The following PCDHGB7 variants were observed in gnomAD, a reference collection of about 807,000 sequenced individuals.
The protein encoded by PCDHGB7 is protocadherin gamma-B7.
Under a neutral mutation model 61.4 loss-of-function variants are expected in PCDHGB7, and 37 were observed. The observed-to-expected ratio is 0.60, with a 90% CI of 0.46 to 0.79. PCDHGB7 has a LOEUF of 0.79. Among genes scored for constraint, PCDHGB7 ranks in the 30% least tolerant of loss-of-function variants. PCDHGB7 has a pLI of 0.00. For synonymous variants in PCDHGB7, 464 were observed against 503.5 expected, an observed-to-expected ratio of 0.92 and a Z score of 1.05; for missense variants, 1,166 against 1,202.5, an observed-to-expected ratio of 0.97 and a Z score of 0.45.
chr5:141,428,618 T>G (rs554092834), intron 1 of PCDHGB7: 12 of 206,130 alleles, frequency 5.8e-5, no homozygotes, highest in Admixed American at 2.6e-4. Context: ...AATAACAAGA[T>G]AAGCTCTAAC....
chr5:141,505,494 A>G lies in PCDHGB7; in HGVS notation c.2563+13A>G. ...GCGTCCGCCAGTGGTAAGTGGTGTC[A>G]GTGTGTGTATGGAAGAGTGGGAGAC... is the stretch of plus-strand genomic sequence containing the variant. On this transcript the variant is annotated intron_variant, in intron 3 of 3. Transcript: ENST00000398594. The G allele has an allele frequency of 6.8e-6, 11 of 1,614,198 alleles. No homozygotes were observed. Among genetic ancestry groups the G allele is most frequent in the Non-Finnish European group, 9.3e-6 (11 of 1,180,006 alleles).
In PCDHGB7 at chr5:141,490,462, ACCAG is replaced by A; in HGVS notation, c.2416-4338_2416-4335del. On this transcript the variant is annotated intron_variant, in intron 1 of 3. Coordinates refer to ENST00000398594, the MANE Select transcript of PCDHGB7 (RefSeq NM_018927.4). The surrounding 1 kb of genome is among the most constrained non-coding windows in gnomAD (Gnocchi z 5.4). ...TTCTGAGAACCACTACTCGCTGCTA[ACCAG>A]CCAGCCTTTGGACCGGGAGGCCACA... 1 of 1,614,198 alleles carries A rather than the reference ACCAG, an allele frequency of 6.2e-7. No homozygotes were observed.
chr5:141,465,056 G>A (rs908104635), intron 1 of PCDHGB7, among the ~76,000 whole-genome samples: 9 of 151,044 alleles, frequency 6.0e-5, no homozygotes, highest in Non-Finnish European at 1.3e-4. Context: ...ATATTTTTTT[G>A]AATTGTCTGT....
At chr5:141,434,193 T>G (rs2097677103) in intron 1 of PCDHGB7, among the ~76,000 whole-genome samples, 1 of 152,246 alleles carries the variant, frequency 6.6e-6, no homozygotes, top group South Asian at 2.1e-4. Flanking sequence ...GTAATTCCAA[T>G]GTACTTACTT....
intron 1 of PCDHGB7, among the ~76,000 whole-genome samples, chr5:141,454,881 C>G (rs2098805859): frequency 7.4e-6 from 1 of 135,536 alleles, no homozygotes; most frequent in African/African-American, 2.8e-5. Flanking sequence ...GATCTTGGCT[C>G]ACTGCTAGCA....
In PCDHGB7 at chr5:141,431,129, A is replaced by G. The variant is rs771219303; in HGVS notation, c.2415+10855A>G. The G allele has an allele frequency of 7.4e-6, 12 of 1,614,152 alleles. No homozygotes were observed. The Admixed American group carries it at 1.7e-4, about 22-fold the overall frequency. Reference sequence around the variant, plus strand: ...AATATATGGAGTAGAAGTAGAAGTAAGGGACATTAACGACAATGCGCCTTA... The same window carrying G: ...AATATATGGAGTAGAAGTAGAAGTAGGGGACATTAACGACAATGCGCCTTA... On this transcript the variant is annotated intron_variant, in intron 1 of 3. Coordinates refer to ENST00000398594, the MANE Select transcript of PCDHGB7 (RefSeq NM_018927.4). The surrounding 1 kb of genome is among the most constrained non-coding windows in gnomAD (Gnocchi z 4.8).
At position 141,424,020 on chromosome 5, in the gene PCDHGB7, C is replaced by A. The variant is rs1326303938; in HGVS notation, c.2415+3746C>A. ...TATATAGATACAAATTAATGATTCA[C>A]AAACACTTTTTATTTCCATTTCAAT... On this transcript the variant is annotated intron_variant, in intron 1 of 3. Coordinates refer to ENST00000398594, the MANE Select transcript of PCDHGB7 (RefSeq NM_018927.4). 3 of 1,050,122 alleles carry A rather than the reference C, an allele frequency of 2.9e-6. No individual in the cohort carries two copies. In the East Asian group the frequency reaches 2.2e-4, roughly 77 times the overall value. The allele number at this position is 1,050,122 out of a possible 1,614,324, so 65.1% of individuals were successfully genotyped here. A position where few individuals can be genotyped will look rare whatever the true frequency, so the allele number is the denominator to read the frequency against.
At chr5:141,509,071 G>T (rs1209992467) in intron 3 of PCDHGB7, among the ~76,000 whole-genome samples, 1 of 152,176 alleles carries the variant, frequency 6.6e-6, no homozygotes, top group Admixed American at 6.5e-5. Flanking sequence ...CAGCTCCGGG[G>T]ATTTGCGACA....
At position 141,419,142 on chromosome 5, in the gene PCDHGB7, G is replaced by A. The variant is rs1351034238; in HGVS notation, c.1283G>A (p.Gly428Asp). ...YNVTIAATDR[G>D]KPPLSSSKTI... ...GTCACCATCGCAGCCACAGACAGGGGCAAGCCTCCGTTATCCTCCAGCAAA... is the reference window on the plus strand; with the variant it reads ...GTCACCATCGCAGCCACAGACAGGGACAAGCCTCCGTTATCCTCCAGCAAA... The change falls in exon 1 of 4, where the codon GGC becomes GAC. Residue 428 changes from glycine to aspartate, a missense_variant. Coordinates refer to ENST00000398594, the MANE Select transcript of PCDHGB7 (RefSeq NM_018927.4). The A allele has an allele frequency of 6.2e-7, 1 of 1,613,902 alleles. No individual in the cohort carries two copies. The highest frequency in any genetic ancestry group is 8.5e-7 in the Non-Finnish European group (1 of 1,179,894).
chr5:141,497,573 T>C (rs1231425210), intron 2 of PCDHGB7, among the ~76,000 whole-genome samples: 1 of 149,502 alleles, frequency 6.7e-6, no homozygotes, highest in South Asian at 2.1e-4. Context: ...AGAGTCTTGC[T>C]CTGTTGCCCA....
intron 1 of PCDHGB7, chr5:141,439,845 T>C (rs983341549): frequency 6.6e-6 from 1 of 152,252 alleles, no homozygotes; most frequent in Non-Finnish European, 1.5e-5. Flanking sequence ...ACTCTAACTG[T>C]GGAAAAGGTG....
At position 141,422,169 on chromosome 5, in the gene PCDHGB7, A is replaced by G. The variant is rs1386896405; in HGVS notation, c.2415+1895A>G. 2.6e-6 allele frequency: 4 copies of G among 1,563,898 alleles called. No homozygotes were observed. In the South Asian group the frequency reaches 4.9e-5, roughly 19 times the overall value. On this transcript the variant is annotated intron_variant, in intron 1 of 3. Coordinates refer to ENST00000398594, the MANE Select transcript of PCDHGB7 (RefSeq NM_018927.4). ...GGTCTCTGGATTTTGAAAAATATAG[A>G]TTCTATGAGATGGAAATTCAAGGCC...
intron 1 of PCDHGB7, chr5:141,422,893 C>A (rs1405800318): frequency 4.3e-6 from 7 of 1,614,246 alleles, no homozygotes; most frequent in Non-Finnish European, 5.9e-6. Context: ...CGTGCTGGAC[C>A]AGAACGACAA....
In PCDHGB7 at chr5:141,504,261, A is replaced by AT. The variant is rs144925096; in HGVS notation, c.2475-1125dup. Among the ~76,000 whole-genome samples the AT allele has an allele frequency of 3.8e-3, 573 of 152,258 alleles. 3 individuals are homozygous for AT. The highest frequency in any genetic ancestry group is 0.012 in the African/African-American group (514 of 41,556). ...CAGAGAGTTCTTCTTATGGTTTAGT[A>AT]TTTTTTTAAATTATGAATCATTTCA... On this transcript the variant is annotated intron_variant, in intron 2 of 3. Transcript: ENST00000398594.
Position 141,511,267 on chromosome 5 carries a change from C to T in PCDHGB7, c.*94C>T, listed in dbSNP as rs1223074819. 1.3e-6 allele frequency: 2 copies of T among 1,549,404 alleles called. No homozygotes were observed. Among genetic ancestry groups the T allele is most frequent in the Non-Finnish European group, 1.7e-6 (2 of 1,146,836 alleles). On this transcript the variant is annotated 3_prime_UTR_variant, in exon 4 of 4. Transcript: ENST00000398594. ...CCAGGCCTCAGAGTTTCAGGGCTAA[C>T]CCCCAGAATACTGGTAGGGGCCAAG...
At chr5:141,428,070 T>G (rs756684090) in intron 1 of PCDHGB7, 7 of 1,609,106 alleles carry the variant, frequency 4.4e-6, no homozygotes, top group Non-Finnish European at 5.1e-6. Context: ...GGACGCAGAT[T>G]CGGGACACAA....
chr5:141,492,948 CA>C (rs2099745260), intron 1 of PCDHGB7, among the ~76,000 whole-genome samples: 1 of 152,188 alleles, frequency 6.6e-6, no homozygotes, highest in Non-Finnish European at 1.5e-5. Flanking sequence ...TGGAGGTGAC[CA>C]AACTATCTGA....
At chr5:141,460,502 G>A (rs1300155108) in intron 1 of PCDHGB7, among the ~76,000 whole-genome samples, 1 of 152,094 alleles carries the variant, frequency 6.6e-6, no homozygotes, top group Non-Finnish European at 1.5e-5. Flanking sequence ...AAAATATGCT[G>A]AGAAGGCTAT....
rs2099411033 is a variant in PCDHGB7, at chr5:141,477,423, C to T, written c.2416-17384C>T. ...ACCGCCCGAGACGCCGGAACCCCTT[C>T]CCTCTCAGCCCTTACAATAGTGCGT... On this transcript the variant is annotated intron_variant, in intron 1 of 3. Coordinates refer to ENST00000398594, the MANE Select transcript of PCDHGB7 (RefSeq NM_018927.4). This position sits in a 1 kb window ranked among gnomAD's most constrained non-coding sequence, Gnocchi z 4.9. 1.9e-6 allele frequency: 3 copies of T among 1,614,196 alleles called. No individual in the cohort carries two copies. The highest frequency in any genetic ancestry group is 2.2e-5 in the East Asian group (1 of 44,882).
Sources: allele counts gnomAD v4.1 joint callset (sites outside exome capture counted in the v4.1 genomes callset), GRCh38; gene constraint gnomAD v4.1.1; non-coding constraint Gnocchi (gnomAD v3.1); transcripts MANE v1.5; gene names NCBI Gene and HGNC (gene_info 2026-07-23, HGNC 2026-07-21).